SUGCT: variants seen among roughly 807,000 people sequenced by gnomAD.
The protein encoded by SUGCT is succinyl-CoA:glutarate CoA-transferase.
A neutral mutation model predicts 55.0 loss-of-function variants in SUGCT; 41 were observed. That is an observed-to-expected ratio of 0.74 (90% CI 0.58 to 0.97). SUGCT has a LOEUF of 0.97. Ranked by LOEUF, SUGCT falls within the 50% of genes least tolerant of loss-of-function variation. The pLI, the probability that SUGCT is intolerant of heterozygous loss-of-function variation, is 0.00. For synonymous variants in SUGCT, 187 were observed against 200.4 expected (o/e 0.93, Z 0.56); for missense variants, 568 against 547.8 (o/e 1.04, Z -0.37).
intron 12 of SUGCT, among the ~76,000 whole-genome samples, chr7:40,576,391 A>G (rs1243990206): frequency 6.6e-6 from 1 of 152,242 alleles, no homozygotes. Flanking sequence ...TGCCCTCACC[A>G]GAGGAAAATG....
At chr7:40,863,730 C>G (rs1444262232), downstream of SUGCT, among the ~76,000 whole-genome samples, 4 of 152,090 alleles carry the variant, frequency 2.6e-5, no homozygotes, top group Non-Finnish European at 5.9e-5. Context: ...TCATAGGAGA[C>G]TCCCTGATGT....
chr7:40,712,527 AG>A (rs1785781641), intron 12 of SUGCT, among the ~76,000 whole-genome samples: 1 of 152,262 alleles, frequency 6.6e-6, no homozygotes, highest in Non-Finnish European at 1.5e-5. Flanking sequence ...GCCTCTGTAG[AG>A]AAAAAGAGTT....
chr7:40,440,462 A>T (rs1211665038), intron 9 of SUGCT, among the ~76,000 whole-genome samples: 1 of 151,976 alleles, frequency 6.6e-6, no homozygotes, highest in Non-Finnish European at 1.5e-5. Flanking sequence ...CACCCAGCCA[A>T]GTTTTTATCC....
rs140303020 is a variant in SUGCT, at chr7:40,475,839, CAG to C, written c.986+16648_986+16649del. 8.2e-3 allele frequency among the ~76,000 whole-genome samples: 1,245 copies of C among 152,252 alleles called. 48 individuals are homozygous for C. Among genetic ancestry groups the C allele is most frequent in the Admixed American group, 0.059 (899 of 15,284 alleles). On this transcript the variant is annotated intron_variant, in intron 11 of 13. Coordinates refer to ENST00000335693, the MANE Select transcript of SUGCT (RefSeq NM_001193313.2). ...CTAAGTCAGTTTCCTTTCCCATGTT[CAG>C]AGAGAGTGAACCCAAATAATTGATC... is the stretch of plus-strand genomic sequence containing the variant.
intron 9 of SUGCT, among the ~76,000 whole-genome samples, chr7:40,369,751 A>C (rs1032509329): frequency 2.0e-5 from 3 of 152,216 alleles, no homozygotes; most frequent in African/African-American, 7.2e-5. Context: ...GAAGCCACAG[A>C]GAATAAAGTG....
At chr7:40,695,320 C>G (rs1035157321) in intron 12 of SUGCT, among the ~76,000 whole-genome samples, 7 of 151,864 alleles carry the variant, frequency 4.6e-5, no homozygotes, top group African/African-American at 1.7e-4. Flanking sequence ...ACCTCAGACT[C>G]CTGCATAGCT....
chr7:40,730,519 CA>C (rs1469767014), intron 12 of SUGCT, among the ~76,000 whole-genome samples: 1 of 152,170 alleles, frequency 6.6e-6, no homozygotes, highest in Admixed American at 6.5e-5. Context: ...TTAATATCTG[CA>C]ATACCTCACA....
chr7:40,885,268 T>G, the SUGCT span, among the ~76,000 whole-genome samples: 179 of 152,268 alleles, frequency 1.2e-3, no homozygotes, highest in African/African-American at 4.1e-3. Context: ...GCAGATGTAC[T>G]GGCTTGGAGA....
chr7:40,325,749 T>C (rs1795994133), intron 9 of SUGCT, among the ~76,000 whole-genome samples: 1 of 152,090 alleles, frequency 6.6e-6, no homozygotes, highest in South Asian at 2.1e-4. Context: ...GTGGTTGCAG[T>C]GAGCTGCGAT....
At chr7:40,272,176 AT>A (rs1792098934) in intron 7 of SUGCT, among the ~76,000 whole-genome samples, 2 of 92,124 alleles carry the variant, frequency 2.2e-5, no homozygotes, top group East Asian at 5.3e-4. Context: ...ATATATATAT[AT>A]ATATATATAT....
chr7:40,407,890 T>C (rs936112443), intron 9 of SUGCT, among the ~76,000 whole-genome samples: 10 of 152,176 alleles, frequency 6.6e-5, no homozygotes, highest in Non-Finnish European at 5.9e-5. Flanking sequence ...TCTATTACCA[T>C]AAACTACCTT....
At chr7:40,678,126 TC>T (rs1167351515) in intron 12 of SUGCT, among the ~76,000 whole-genome samples, 2 of 152,168 alleles carry the variant, frequency 1.3e-5, no homozygotes, top group African/African-American at 4.8e-5. Context: ...AGGTCAGACA[TC>T]CTTACTTCTG....
intron 6 of SUGCT, among the ~76,000 whole-genome samples, chr7:40,228,020 T>C (rs1414677519): frequency 6.6e-6 from 1 of 151,964 alleles, no homozygotes; most frequent in East Asian, 1.9e-4. Context: ...ATAGCTGGGA[T>C]TACAGGCATG....
chr7:40,200,046 A>G (rs1013738188), intron 6 of SUGCT, among the ~76,000 whole-genome samples: 1 of 152,202 alleles, frequency 6.6e-6, no homozygotes, highest in African/African-American at 2.4e-5. Flanking sequence ...AATTATATTC[A>G]CAAAATAAAC....
chr7:40,701,514 A>G (rs1355779064), intron 12 of SUGCT, among the ~76,000 whole-genome samples: 1 of 152,188 alleles, frequency 6.6e-6, no homozygotes, highest in African/African-American at 2.4e-5. Context: ...AAACGATGAT[A>G]TGCTGGGTAT....
At chr7:41,006,051 G>C in the SUGCT span, among the ~76,000 whole-genome samples, 13 of 152,304 alleles carry the variant, frequency 8.5e-5, no homozygotes, top group Non-Finnish European at 1.8e-4. Flanking sequence ...CATGCTTATT[G>C]ATGTCTGTGA....
chr7:40,946,423 C>T, the SUGCT span, among the ~76,000 whole-genome samples: 1 of 152,134 alleles, frequency 6.6e-6, no homozygotes, highest in Non-Finnish European at 1.5e-5. Flanking sequence ...TCTCTAGCCA[C>T]TGGGGTAATG....
chr7:40,686,964 C>G (rs1215690883), intron 12 of SUGCT, among the ~76,000 whole-genome samples: 1 of 152,114 alleles, frequency 6.6e-6, no homozygotes, highest in Non-Finnish European at 1.5e-5. Context: ...CACCCACCTT[C>G]CTCAGGTTAC....
At chr7:40,425,072 T>C (rs963759370) in intron 9 of SUGCT, among the ~76,000 whole-genome samples, 1 of 152,156 alleles carries the variant, frequency 6.6e-6, no homozygotes, top group Non-Finnish European at 1.5e-5. Context: ...TAGTTGAACA[T>C]TTCTCTCAGC....
Sources: allele counts gnomAD v4.1 joint callset (sites outside exome capture counted in the v4.1 genomes callset), GRCh38; gene constraint gnomAD v4.1.1; transcripts MANE v1.5; gene names NCBI Gene and HGNC (gene_info 2026-07-23, HGNC 2026-07-21).